The following CPE variants were observed in gnomAD, a reference collection of about 807,000 sequenced individuals.
CPE encodes the protein carbocypeptidase E.
Under a neutral mutation model 53.5 loss-of-function variants are expected in CPE, and 17 were observed. That is an observed-to-expected ratio of 0.32 (90% confidence interval 0.22 to 0.48). CPE has a LOEUF of 0.48. CPE is among the 20% of genes least tolerant of loss of function. The pLI, the probability that CPE is intolerant of heterozygous loss-of-function variation, is 0.99. For synonymous variants in CPE, 226 were observed against 228.8 expected (o/e 0.99, Z 0.11); for missense variants, 524 against 614.7 (o/e 0.85, Z 1.56).
rs184955585 is a variant in CPE at position 165,395,945 on chromosome 4, T to C, written c.307+16417T>C. ...CCTTCTCTTAAGTAAACAAAAACTATTGGCTTTCATCCAATCGGTTATTCT... is the reference window on the plus strand; with the variant it reads ...CCTTCTCTTAAGTAAACAAAAACTACTGGCTTTCATCCAATCGGTTATTCT... On this transcript the variant is annotated intron_variant, in intron 1 of 8. Transcript: ENST00000402744. Among the ~76,000 whole-genome samples, 595 of 152,318 alleles carry C rather than the reference T, an allele frequency of 3.9e-3. 5 individuals carry two copies. Among genetic ancestry groups the C allele is most frequent in the African/African-American group, 0.013 (550 of 41,582 alleles).
intron 3 of CPE, among the ~76,000 whole-genome samples, chr4:165,476,836 A>G (rs1010514963): frequency 1.1e-4 from 17 of 152,148 alleles, no homozygotes. Flanking sequence ...AGTCATGGAT[A>G]CACGTCACTG....
At chr4:165,392,858 C>A (rs1730707620) in intron 1 of CPE, among the ~76,000 whole-genome samples, 1 of 147,410 alleles carries the variant, frequency 6.8e-6, no homozygotes, top group African/African-American at 2.5e-5. Context: ...CATATATAGT[C>A]TGTTATAATA....
At position 165,393,582 on chromosome 4, in the gene CPE, G is replaced by A. The variant is rs1466666513; in HGVS notation, c.307+14054G>A. On this transcript the variant is annotated intron_variant, in intron 1 of 8. Coordinates refer to ENST00000402744, the MANE Select transcript of CPE (RefSeq NM_001873.4). ...AAGGTTTTGAAGCCCAGGAGGCTTGGAACTCATTTTCTGATACACAGTTGG... is the reference window on the plus strand; with the variant it reads ...AAGGTTTTGAAGCCCAGGAGGCTTGAAACTCATTTTCTGATACACAGTTGG... 3.3e-5 allele frequency among the ~76,000 whole-genome samples: 5 copies of A among 152,140 alleles called. 1 individual carries two copies. In the South Asian group the frequency reaches 6.2e-4, roughly 19 times the overall value.
Position 165,463,157 on chromosome 4 carries a change from C to A in CPE, c.308-1233C>A, listed in dbSNP as rs549808160. 3.9e-5 allele frequency among the ~76,000 whole-genome samples: 6 copies of A among 152,196 alleles called. No homozygotes were observed. The East Asian group carries it at 1.2e-3, about 29-fold the overall frequency. ...CAGTGACTTTTGTTAGTATTCTGAG[C>A]CCTTCAGCAAAGTATATCCTCTTTG... is the stretch of plus-strand genomic sequence containing the variant. On this transcript the variant is annotated intron_variant, in intron 1 of 8. Coordinates refer to ENST00000402744, the MANE Select transcript of CPE (RefSeq NM_001873.4).
At position 165,379,546 on chromosome 4, in the gene CPE, T is replaced by A. The variant is rs1730468907; in HGVS notation, c.307+18T>A. 6.7e-7 allele frequency: 1 copy of A among 1,490,474 alleles called. No homozygotes were observed. Among genetic ancestry groups the A allele is most frequent in the East Asian group, 2.6e-5 (1 of 38,556 alleles). 92.3% of individuals were successfully genotyped at this position (1,490,474 alleles called of 1,614,324 possible). A position where few individuals can be genotyped will look rare whatever the true frequency, so the allele number is the denominator to read the frequency against. Reference sequence around the variant, plus strand: ...TGAGCCTGGTAAGGGCGCTGCCCCCTGACAGCCCTGGGGGCATCCCGGAGG... The same window carrying A: ...TGAGCCTGGTAAGGGCGCTGCCCCCAGACAGCCCTGGGGGCATCCCGGAGG... On this transcript the variant is annotated intron_variant, in intron 1 of 8. Transcript: ENST00000402744. This position sits in a 1 kb window ranked among gnomAD's most constrained non-coding sequence, Gnocchi z 6.0.
At chr4:165,404,123 G>A in intron 1 of CPE, 3 of 822,452 alleles carry the variant, frequency 3.6e-6, no homozygotes, top group South Asian at 2.6e-5. Context: ...CTGGCTTGGG[G>A]TGAACTCTTT....
rs946739927 is a variant in CPE, at chr4:165,403,702, T to C, written c.307+24174T>C. 3.6e-4 allele frequency among the ~76,000 whole-genome samples: 54 copies of C among 151,896 alleles called. 1 individual carries two copies. The highest frequency in any genetic ancestry group is 1.2e-4 in the Non-Finnish European group (8 of 67,968). On this transcript the variant is annotated intron_variant, in intron 1 of 8. Transcript: ENST00000402744. ...TTTTTTTTTTACAGAGTTTGGTTTT[T>C]ATTGTTATGTGTTTGTCTGGGTGCA...
intron 1 of CPE, among the ~76,000 whole-genome samples, chr4:165,396,156 G>A (rs1031117408): frequency 6.6e-6 from 1 of 152,106 alleles, no homozygotes; most frequent in Non-Finnish European, 1.5e-5. Context: ...CGCACAATGA[G>A]GTCTTTGGTC....
At chr4:165,432,796 C>G (rs988594461) in intron 1 of CPE, among the ~76,000 whole-genome samples, 1 of 152,142 alleles carries the variant, frequency 6.6e-6, no homozygotes, top group African/African-American at 2.4e-5. Flanking sequence ...CTAAACAGCG[C>G]AACCCGCCCC....
intron 1 of CPE, among the ~76,000 whole-genome samples, chr4:165,413,048 C>G (rs1255195421): frequency 6.6e-6 from 1 of 152,214 alleles, no homozygotes; most frequent in Non-Finnish European, 1.5e-5. Context: ...CACACTTGCA[C>G]TCTCTGAGCC....
intron 1 of CPE, among the ~76,000 whole-genome samples, chr4:165,427,030 A>C (rs35394221): frequency 0.56 from 84,795 of 152,090 alleles, 24,419 homozygotes; most frequent in East Asian, 0.75. Flanking sequence ...ACCCCATCAT[A>C]CTAGTGCACA....
intron 3 of CPE, among the ~76,000 whole-genome samples, chr4:165,476,147 T>C (rs1343146400): frequency 6.6e-6 from 1 of 151,996 alleles, no homozygotes; most frequent in East Asian, 1.9e-4. Flanking sequence ...GGTTTTAGAG[T>C]AGCAGTGAAA....
At chr4:165,452,560 T>C (rs964970813) in intron 1 of CPE, among the ~76,000 whole-genome samples, 1 of 152,236 alleles carries the variant, frequency 6.6e-6, no homozygotes, top group African/African-American at 2.4e-5. Context: ...GTAAAATCTT[T>C]GTACATTTTT....
At chr4:165,461,192 G>GAAAGAAAAAGAAAAAT (rs1318343517) in intron 1 of CPE, among the ~76,000 whole-genome samples, 23 of 97,434 alleles carry the variant, frequency 2.4e-4, no homozygotes, top group African/African-American at 8.1e-4. Flanking sequence ...AAAAAAGAAA[G>GAAAGAAAAAGAAAAAT]AAAGAAAAGA....
At position 165,484,518 on chromosome 4, in the gene CPE, A is replaced by G. The variant is rs116683740; in HGVS notation, c.887A>G (p.Asn296Ser). The G allele has an allele frequency of 6.1e-4, 988 of 1,613,912 alleles. 5 individuals are homozygous for G. The African/African-American group carries it at 0.011, about 17-fold the overall frequency. ...TTCAACCCGGCCATGTCTGACCCCA[A>G]TCGGCCACCATGTCGCAAGAATGAT... ...SSFNPAMSDP[N>S]RPPCRKNDDD... is the part of the protein sequence containing the mutation. The change falls in exon 5 of 9, where the codon AAT (asparagine) becomes AGT (serine). Residue 296 changes from asparagine to serine, a missense_variant. Transcript: ENST00000402744.
chr4:165,451,916 G>GC (rs368285308), intron 1 of CPE, among the ~76,000 whole-genome samples: 4 of 150,958 alleles, frequency 2.6e-5, no homozygotes, highest in South Asian at 2.1e-4. Context: ...GCCACGTACC[G>GC]CCCCCCCAAC....
intron 1 of CPE, among the ~76,000 whole-genome samples, chr4:165,450,560 C>T (rs1018829961): frequency 6.6e-6 from 1 of 152,132 alleles, no homozygotes; most frequent in Non-Finnish European, 1.5e-5. Flanking sequence ...TTCACAAGTA[C>T]ATTAAAAATG....
At chr4:165,381,391 A>C (rs532318057) in intron 1 of CPE, 1 of 446,450 alleles carries the variant, frequency 2.2e-6, no homozygotes, top group African/African-American at 2.0e-5. Flanking sequence ...AAAAATACTG[A>C]ATATGCAGTG....
At chr4:165,392,475 TATATC>T (rs1364998357) in intron 1 of CPE, among the ~76,000 whole-genome samples, 2 of 145,848 alleles carry the variant, frequency 1.4e-5, no homozygotes. Flanking sequence ...GTAATATACA[TATATC>T]ATATATTTAC....
Sources: gnomAD v4.1 joint callset for allele counts (sites outside exome capture counted in the v4.1 genomes callset) on GRCh38, gnomAD v4.1.1 for gene constraint, Gnocchi (gnomAD v3.1) non-coding constraint, MANE v1.5 for transcripts, NCBI Gene and HGNC (gene_info 2026-07-23, HGNC 2026-07-21) for gene names.